The following EIF2B3 variants were observed in gnomAD, a reference collection of about 807,000 sequenced individuals.
EIF2B3 encodes the protein eukaryotic translation initiation factor 2B subunit gamma, also known as translation initiation factor eIF2B subunit gamma.
EIF2B3 carries 20 observed loss-of-function variants against 54.1 expected under a neutral mutation model. That is an observed-to-expected ratio of 0.37 (90% CI 0.26 to 0.54). The LOEUF (loss-of-function observed/expected upper bound fraction) is 0.54. Among genes scored for constraint, EIF2B3 ranks in the 20% least tolerant of loss-of-function variants. EIF2B3 has a pLI of 0.86. For synonymous variants in EIF2B3, 153 were observed against 188.1 expected, an observed-to-expected ratio of 0.81 and a Z score of 1.52; for missense variants, 448 against 547.8, an observed-to-expected ratio of 0.82 and a Z score of 1.82.
chr1:44,966,940 C>T (rs965779821), intron 3 of EIF2B3, among the ~76,000 whole-genome samples: 16 of 151,810 alleles, frequency 1.1e-4, no homozygotes, highest in African/African-American at 2.7e-4. Flanking sequence ...TCCTGCCTCC[C>T]GAGTAGCTGG....
At chr1:44,965,185 A>AC (rs1644324745) in intron 3 of EIF2B3, among the ~76,000 whole-genome samples, 1 of 152,220 alleles carries the variant, frequency 6.6e-6, no homozygotes, top group Admixed American at 6.5e-5. Flanking sequence ...ATAGCTGCAC[A>AC]CCTGCAAGAC....
chr1:44,892,789 G>C (rs533367364), intron 6 of EIF2B3, among the ~76,000 whole-genome samples: 2 of 152,292 alleles, frequency 1.3e-5, no homozygotes, highest in Non-Finnish European at 2.9e-5. Context: ...TAACAGCCCT[G>C]TTGAGAAGGT....
intron 6 of EIF2B3, among the ~76,000 whole-genome samples, chr1:44,882,167 G>A (rs1415101484): frequency 9.2e-5 from 14 of 152,170 alleles, no homozygotes; most frequent in Admixed American, 9.2e-4. Flanking sequence ...CTAGGCCTTG[G>A]AAATACATCA....
At chr1:44,951,863 C>CG (rs1411548923) in intron 3 of EIF2B3, among the ~76,000 whole-genome samples, 3 of 150,748 alleles carry the variant, frequency 2.0e-5, no homozygotes, top group African/African-American at 7.3e-5. Context: ...TCTCAGCTCA[C>CG]TGCAGCCTCC....
At chr1:44,961,807 G>A (rs1644287609) in intron 3 of EIF2B3, among the ~76,000 whole-genome samples, 1 of 152,158 alleles carries the variant, frequency 6.6e-6, no homozygotes, top group South Asian at 2.1e-4. Flanking sequence ...CATAGCTAGT[G>A]AATGACAGAA....
At chr1:44,852,338 C>G (rs1359038691) in intron 11 of EIF2B3, among the ~76,000 whole-genome samples, 1 of 152,092 alleles carries the variant, frequency 6.6e-6, no homozygotes. Flanking sequence ...CTGTTGCACT[C>G]TTACTACCCT....
chr1:44,911,719 T>A (rs953675077), intron 5 of EIF2B3, among the ~76,000 whole-genome samples: 5 of 152,332 alleles, frequency 3.3e-5, no homozygotes, highest in Middle Eastern at 3.4e-3. Context: ...TTTGTTTTTT[T>A]ATTATACTTT....
chr1:44,895,520 C>T (rs1001746175), intron 6 of EIF2B3, among the ~76,000 whole-genome samples: 1 of 151,808 alleles, frequency 6.6e-6, no homozygotes, highest in Admixed American at 6.6e-5. Context: ...GCCTCTCTCT[C>T]TCTCTCTCTA....
intron 5 of EIF2B3, chr1:44,925,129 C>G (rs1008087310): frequency 6.6e-6 from 1 of 152,068 alleles, no homozygotes; most frequent in East Asian, 1.9e-4. Flanking sequence ...GTAGTTTCCT[C>G]AAAAAATTAA....
chr1:44,971,726 G>A (rs963780293), intron 3 of EIF2B3, among the ~76,000 whole-genome samples: 1 of 152,102 alleles, frequency 6.6e-6, no homozygotes, highest in Non-Finnish European at 1.5e-5. Context: ...TGCTTATTGG[G>A]ATGACTACTA....
intron 5 of EIF2B3, among the ~76,000 whole-genome samples, chr1:44,907,480 C>T (rs1156348222): frequency 1.3e-5 from 2 of 152,140 alleles, no homozygotes; most frequent in Non-Finnish European, 2.9e-5. Context: ...ATTGCTTGAA[C>T]CAGGAAGTCA....
chr1:44,878,770 T>TA (rs1311346224), intron 8 of EIF2B3, among the ~76,000 whole-genome samples: 1 of 151,680 alleles, frequency 6.6e-6, no homozygotes. Flanking sequence ...TTTTTTTTTT[T>TA]AATACAGAGT....
chr1:44,882,484 C>A (rs988895342), intron 6 of EIF2B3, among the ~76,000 whole-genome samples: 8 of 151,784 alleles, frequency 5.3e-5, no homozygotes, highest in Admixed American at 6.6e-5. Context: ...TGTCTGTTGC[C>A]CAGGCTGGAG....
intron 6 of EIF2B3, among the ~76,000 whole-genome samples, chr1:44,889,897 A>T (rs1483031089): frequency 6.6e-6 from 1 of 152,214 alleles, no homozygotes. Flanking sequence ...AACAGAGGAG[A>T]TGTCACAGAC....
chr1:44,888,027 T>C (rs1230593044), intron 6 of EIF2B3, among the ~76,000 whole-genome samples: 1 of 152,184 alleles, frequency 6.6e-6, no homozygotes, highest in Admixed American at 6.5e-5. Context: ...TTGGCTGACT[T>C]TGGATACGTA....
At chr1:44,907,626 C>A (rs1486150674) in intron 5 of EIF2B3, among the ~76,000 whole-genome samples, 1 of 151,694 alleles carries the variant, frequency 6.6e-6, no homozygotes, top group Non-Finnish European at 1.5e-5. Flanking sequence ...CACAGCCGGG[C>A]ACGGTGGCTC....
chr1:44,915,126 C>T (rs1172135687), intron 5 of EIF2B3, among the ~76,000 whole-genome samples: 1 of 151,508 alleles, frequency 6.6e-6, no homozygotes, highest in East Asian at 2.0e-4. Context: ...TGGTGAAACC[C>T]TGTCTCTACT....
At chr1:44,856,526 A>AT (rs1354999370) in intron 11 of EIF2B3, among the ~76,000 whole-genome samples, 1 of 133,806 alleles carries the variant, frequency 7.5e-6, no homozygotes, top group African/African-American at 3.2e-5. Context: ...AAAAATTAAA[A>AT]TTAAAAAAAA....
chr1:44,892,575 T>G (rs1031386439), intron 6 of EIF2B3, among the ~76,000 whole-genome samples: 6 of 151,376 alleles, frequency 4.0e-5, no homozygotes, highest in African/African-American at 1.5e-4. Context: ...AAGAGCAAGA[T>G]CCTGTCTCTT....
Sources: gnomAD v4.1 joint callset for allele counts (sites outside exome capture counted in the v4.1 genomes callset) on GRCh38, gnomAD v4.1.1 for gene constraint, MANE v1.5 for transcripts, NCBI Gene and HGNC (gene_info 2026-07-23, HGNC 2026-07-21) for gene names.